The following BCO2 variants were observed in gnomAD, a reference collection of about 807,000 sequenced individuals.
BCO2 encodes beta-carotene oxygenase 2.
Under a neutral mutation model 65.8 loss-of-function variants are expected in BCO2, and 56 were observed. That is an observed-to-expected ratio of 0.85 (90% confidence interval 0.69 to 1.06). The LOEUF is 1.06. Ranked by LOEUF, BCO2 falls within the 50% of genes least tolerant of loss-of-function variation. The pLI is 0.00. For missense variants in BCO2, 675 were observed against 698.5 expected (o/e 0.97, Z 0.38); for synonymous variants, 233 against 242.3 (o/e 0.96, Z 0.36).
chr11:112,195,704 A>C (rs1867552489), intron 5 of BCO2, among the ~76,000 whole-genome samples: 1 of 152,194 alleles, frequency 6.6e-6, no homozygotes, highest in African/African-American at 2.4e-5. Flanking sequence ...TCGGTCTCCC[A>C]AAGTGCTGGG....
intron 2 of BCO2, chr11:112,183,254 C>T (rs1333343878): frequency 4.1e-5 from 30 of 735,242 alleles, no homozygotes; most frequent in Admixed American, 3.9e-5. Flanking sequence ...ACTTTTCTTT[C>T]TCCATCCACT....
At chr11:112,182,442 G>C in intron 2 of BCO2, among the ~76,000 whole-genome samples, 1 of 152,146 alleles carries the variant, frequency 6.6e-6, no homozygotes. Flanking sequence ...CAAAGTCTTG[G>C]AACCAACCCA....
intron 6 of BCO2, 77 bp downstream of exon 6, chr11:112,199,904 G>A (rs1190568738): frequency 3.6e-5 from 55 of 1,521,800 alleles, no homozygotes; most frequent in Non-Finnish European, 4.9e-5. Flanking sequence ...TCTGGCAAAT[G>A]TTATGTTAAT....
chr11:112,201,287 A>C (rs1213610893), intron 7 of BCO2, among the ~76,000 whole-genome samples: 1 of 152,100 alleles, frequency 6.6e-6, no homozygotes, highest in Non-Finnish European at 1.5e-5. Context: ...AGCTGGGACT[A>C]CAGGTGTGTG....
intron 2 of BCO2, among the ~76,000 whole-genome samples, chr11:112,180,227 C>T (rs1866997246): frequency 6.6e-6 from 1 of 152,200 alleles, no homozygotes; most frequent in African/African-American, 2.4e-5. Context: ...TCAGCAAATT[C>T]AAGTTTTGCT....
At chr11:112,186,924 C>T (rs1233975300) in intron 2 of BCO2, among the ~76,000 whole-genome samples, 3 of 152,202 alleles carry the variant, frequency 2.0e-5, no homozygotes, top group African/African-American at 7.2e-5. Flanking sequence ...CTACCATTCT[C>T]TAGACAGGAT....
Position 112,202,068 on chromosome 11 carries a change from C to G in BCO2, c.1072C>G (p.Gln358Glu). The G allele has an allele frequency of 6.2e-7, 1 of 1,612,430 alleles. No individual in the cohort carries two copies. The highest frequency in any genetic ancestry group is 2.2e-5 in the East Asian group (1 of 44,754). The change falls in exon 8 of 12, where the codon CAA becomes GAA. Residue 358 changes from glutamine (Q) to glutamate (E), a missense_variant. By Grantham distance (29) the Gln-to-Glu change is conservative. Coordinates refer to ENST00000357685, the MANE Select transcript of BCO2 (RefSeq NM_031938.7). ...CAGCAAACCTTTTGTTACATTTCATCAAATCAATGCCTTTGAGGACCAGGG... is the reference window on the plus strand; with the variant it reads ...CAGCAAACCTTTTGTTACATTTCATGAAATCAATGCCTTTGAGGACCAGGG... ...YYSKPFVTFH[Q>E]INAFEDQGCV...
At chr11:112,195,905 A>G (rs942755592) in intron 5 of BCO2, among the ~76,000 whole-genome samples, 1 of 152,186 alleles carries the variant, frequency 6.6e-6, no homozygotes, top group Non-Finnish European at 1.5e-5. Flanking sequence ...GCATTTTAAC[A>G]TGGTCTCTGG....
At chr11:112,180,523 A>G (rs1867007583) in intron 2 of BCO2, among the ~76,000 whole-genome samples, 2 of 152,216 alleles carry the variant, frequency 1.3e-5, no homozygotes, top group Admixed American at 1.3e-4. Context: ...ATAGCATTCA[A>G]TAAATCGATG....
chr11:112,215,660 A>G (rs1859651716), intron 10 of BCO2: 2 of 152,558 alleles, frequency 1.3e-5, no homozygotes, highest in Non-Finnish European at 2.9e-5. Context: ...AGTGAGCTGA[A>G]ATTGCGCCAC....
intron 1 of BCO2, 30 bp from the exon 2 acceptor site, chr11:112,179,248 T>G (rs374952933): frequency 2.8e-5 from 45 of 1,595,032 alleles, no homozygotes; most frequent in Non-Finnish European, 3.8e-5. Context: ...TGGTAAAATA[T>G]TTTTTGTGCT....
intron 8 of BCO2, among the ~76,000 whole-genome samples, chr11:112,206,535 G>T (rs1442921290): frequency 1.3e-5 from 2 of 152,210 alleles, no homozygotes; most frequent in Non-Finnish European, 2.9e-5. Context: ...AAGGTGGGAG[G>T]ATTGCTTGAG....
At chr11:112,217,149 T>C (rs574145997) in intron 11 of BCO2, among the ~76,000 whole-genome samples, 71 of 152,146 alleles carry the variant, frequency 4.7e-4, no homozygotes, top group Non-Finnish European at 8.5e-4. Flanking sequence ...CAAGCAAAAA[T>C]ATTAAACTCA....
intron 2 of BCO2, among the ~76,000 whole-genome samples, chr11:112,188,053 T>C (rs1363638226): frequency 6.6e-6 from 1 of 152,026 alleles, no homozygotes; most frequent in African/African-American, 2.4e-5. Flanking sequence ...CAAACATGGA[T>C]CTCCCACCCC....
At chr11:112,184,204 GGC>G (rs1867135772) in intron 2 of BCO2, among the ~76,000 whole-genome samples, 6 of 152,218 alleles carry the variant, frequency 3.9e-5, no homozygotes, top group Non-Finnish European at 8.8e-5. Context: ...GTCTGCTAAA[GGC>G]CAATGTAATA....
chr11:112,177,269 A>G (rs956781609), intron 1 of BCO2, among the ~76,000 whole-genome samples: 7 of 152,190 alleles, frequency 4.6e-5, no homozygotes, highest in Admixed American at 4.6e-4. Flanking sequence ...TCCTCTTTGT[A>G]CTTCTGATAC....
At chr11:112,205,689 G>A (rs1195646075) in intron 8 of BCO2, among the ~76,000 whole-genome samples, 1 of 152,110 alleles carries the variant, frequency 6.6e-6, no homozygotes, top group African/African-American at 2.4e-5. Flanking sequence ...AAACTCCTGG[G>A]CATGCATGAT....
At chr11:112,180,878 G>C in intron 2 of BCO2, 1 of 1,083,918 alleles carries the variant, frequency 9.2e-7, no homozygotes. Flanking sequence ...CAGTAAACTC[G>C]GCATAAAAGC....
At chr11:112,196,102 G>A (rs539933409) in intron 5 of BCO2, among the ~76,000 whole-genome samples, 6 of 152,302 alleles carry the variant, frequency 3.9e-5, no homozygotes, top group African/African-American at 1.4e-4. Context: ...TGTTTCCTGG[G>A]TGTCTGTTTG....
Sources: gnomAD v4.1 joint callset for allele counts (sites outside exome capture counted in the v4.1 genomes callset) on GRCh38, gnomAD v4.1.1 for gene constraint, MANE v1.5 for transcripts, NCBI Gene and HGNC (gene_info 2026-07-23, HGNC 2026-07-21) for gene names.